Variants in NEDD4L observed in about 807,000 individuals in gnomAD.
The protein encoded by NEDD4L is E3 ubiquitin-protein ligase NEDD4-like.
Under a neutral mutation model 148.9 loss-of-function variants are expected in NEDD4L, and 54 were observed. That is an observed-to-expected ratio of 0.36 (90% confidence interval 0.29 to 0.45). NEDD4L has a LOEUF of 0.45. Among genes scored for constraint, NEDD4L ranks in the 20% least tolerant of loss-of-function variants. NEDD4L has a pLI of 1.00. For missense variants in NEDD4L, 856 were observed against 1,233.8 expected, an observed-to-expected ratio of 0.69 and a Z score of 4.59; for synonymous variants, 433 against 440.7, an observed-to-expected ratio of 0.98 and a Z score of 0.22.
chr18:58,257,002 TTGTC>T (rs1199071462), intron 5 of NEDD4L, among the ~76,000 whole-genome samples: 4 of 152,112 alleles, frequency 2.6e-5, no homozygotes, highest in Non-Finnish European at 5.9e-5. Context: ...TCAAAGAACT[TTGTC>T]TGTTTGGGAA....
chr18:58,223,399 G>A (rs1568420324), intron 2 of NEDD4L, among the ~76,000 whole-genome samples: 1 of 152,188 alleles, frequency 6.6e-6, no homozygotes, highest in African/African-American at 2.4e-5. Context: ...CTTGAGTGTA[G>A]AAGTTTTATT....
chr18:58,173,726 A>G (rs2037775476), intron 2 of NEDD4L, among the ~76,000 whole-genome samples: 1 of 152,224 alleles, frequency 6.6e-6, no homozygotes, highest in Admixed American at 6.5e-5. Context: ...CCTCTAAAAA[A>G]CAAGAACATA....
intron 1 of NEDD4L, among the ~76,000 whole-genome samples, chr18:58,125,060 C>T (rs1000471637): frequency 2.6e-5 from 4 of 152,124 alleles, no homozygotes; most frequent in Admixed American, 1.3e-4. Context: ...TTGCCACCAG[C>T]TAATTTATTA....
intron 5 of NEDD4L, among the ~76,000 whole-genome samples, chr18:58,289,994 T>G (rs574269781): frequency 3.3e-4 from 50 of 152,308 alleles, no homozygotes; most frequent in African/African-American, 9.1e-4. Flanking sequence ...CATGTAGCCA[T>G]GAAAAAATGA....
intron 1 of NEDD4L, among the ~76,000 whole-genome samples, chr18:58,099,376 A>G (rs1313465784): frequency 6.6e-6 from 1 of 152,220 alleles, no homozygotes; most frequent in East Asian, 1.9e-4. Context: ...CTTGCTTATA[A>G]TGGGCATTTG....
intron 1 of NEDD4L, among the ~76,000 whole-genome samples, chr18:58,090,631 C>T (rs1376249454): frequency 1.3e-5 from 2 of 152,208 alleles, no homozygotes; most frequent in Non-Finnish European, 2.9e-5. Context: ...GTGTGCACCA[C>T]CACGCCTGGC....
Position 58,387,503 on chromosome 18 carries a change from G to T in NEDD4L, c.2547+5G>T. ...TTTGATGAAAATGAGCTGGAGGTTTGTATTATAAACATTATTTTATGTAAA... is the reference window on the plus strand; with the variant it reads ...TTTGATGAAAATGAGCTGGAGGTTTTTATTATAAACATTATTTTATGTAAA... On this transcript the variant is annotated splice_donor_5th_base_variant and intron_variant, in intron 27 of 30. Transcript: ENST00000400345. The T allele has an allele frequency of 6.4e-7, 1 of 1,552,546 alleles. No homozygotes were observed. The highest frequency in any genetic ancestry group is 8.7e-7 in the Non-Finnish European group (1 of 1,148,398).
chr18:58,119,251 G>A (rs756872671), intron 1 of NEDD4L, among the ~76,000 whole-genome samples: 2 of 152,112 alleles, frequency 1.3e-5, no homozygotes, highest in Non-Finnish European at 2.9e-5. Context: ...GGAAGCCTGG[G>A]AGGGCTTTGC....
At chr18:58,204,189 G>T (rs542643633) in intron 2 of NEDD4L, among the ~76,000 whole-genome samples, 1 of 152,246 alleles carries the variant, frequency 6.6e-6, no homozygotes, top group Middle Eastern at 3.4e-3. Flanking sequence ...TTACCCAGAC[G>T]TGGTGGTGTG....
At position 58,322,447 on chromosome 18, in the gene NEDD4L, G is replaced by A. The variant is rs749180174; in HGVS notation, c.371G>A (p.Arg124Gln). 9 of 1,432,478 alleles carry A rather than the reference G, an allele frequency of 6.3e-6. No homozygotes were observed. The highest frequency in any genetic ancestry group is 1.4e-5 in the African/African-American group (1 of 68,980). The allele number at this position is 1,432,478 out of a possible 1,614,324, so 88.7% of individuals were successfully genotyped here. A position where few individuals can be genotyped will look rare whatever the true frequency, so the allele number is the denominator to read the frequency against. ...CAGACAGAAGATCCAACCATGGAGC[G>A]ACCCTATACATTTAAGGACTTTCTC... The part of the protein sequence containing the change: ...HLPTEDPTME[R>Q]PYTFKDFLLR... The change falls in exon 7 of 31, where the codon CGA becomes CAA. Residue 124 changes from arginine (R) to glutamine (Q), a missense_variant. By Grantham distance (43) the Arg-to-Gln change is conservative (BLOSUM62 1). This residue lies in a region of NEDD4L where 193 missense variants were observed against 244.2 expected (regional missense o/e 0.79). Transcript: ENST00000400345.
At chr18:58,263,062 A>T (rs1354565987) in intron 5 of NEDD4L, among the ~76,000 whole-genome samples, 1 of 152,202 alleles carries the variant, frequency 6.6e-6, no homozygotes, top group Non-Finnish European at 1.5e-5. Flanking sequence ...AAATCAAATA[A>T]AAGGACGGAT....
At chr18:58,069,512 A>T (rs1343221802) in intron 1 of NEDD4L, among the ~76,000 whole-genome samples, 1 of 152,242 alleles carries the variant, frequency 6.6e-6, no homozygotes, top group Non-Finnish European at 1.5e-5. Flanking sequence ...TTGGCTGGAT[A>T]GAGGGCAGTG....
chr18:58,213,068 C>T (rs1008781419), intron 2 of NEDD4L, among the ~76,000 whole-genome samples: 1 of 152,124 alleles, frequency 6.6e-6, no homozygotes, highest in Non-Finnish European at 1.5e-5. Flanking sequence ...AGAAAAATAA[C>T]ACTTTTTGAT....
chr18:58,219,428 CAG>C (rs899066858), intron 2 of NEDD4L, among the ~76,000 whole-genome samples: 1 of 152,194 alleles, frequency 6.6e-6, no homozygotes, highest in African/African-American at 2.4e-5. Flanking sequence ...CAGAGGGAAA[CAG>C]TGGTGTAATT....
intron 1 of NEDD4L, among the ~76,000 whole-genome samples, chr18:58,146,777 C>T (rs1466598079): frequency 1.3e-5 from 2 of 152,142 alleles, no homozygotes; most frequent in African/African-American, 4.8e-5. Flanking sequence ...CGGTGTGGTC[C>T]CTTGCTCCAC....
intron 6 of NEDD4L, among the ~76,000 whole-genome samples, chr18:58,319,402 A>G (rs1230373978): frequency 6.6e-6 from 1 of 152,102 alleles, no homozygotes; most frequent in Non-Finnish European, 1.5e-5. Context: ...CTCTCCTTCC[A>G]TTTGCCTGCA....
intron 1 of NEDD4L, among the ~76,000 whole-genome samples, chr18:58,058,257 G>GATGGTGCC (rs2082175462): frequency 6.6e-6 from 1 of 152,228 alleles, no homozygotes. Context: ...AGTGAGCCAA[G>GATGGTGCC]ATGGTGCCAC....
intron 5 of NEDD4L, among the ~76,000 whole-genome samples, chr18:58,308,330 TG>T (rs2057297489): frequency 6.6e-6 from 1 of 152,196 alleles, no homozygotes; most frequent in Non-Finnish European, 1.5e-5. Flanking sequence ...CAGTAATACC[TG>T]GGGGGTTTCT....
At chr18:58,328,187 G>A (rs999569876) in intron 9 of NEDD4L, among the ~76,000 whole-genome samples, 1 of 152,020 alleles carries the variant, frequency 6.6e-6, no homozygotes, top group Non-Finnish European at 1.5e-5. Flanking sequence ...TACGTCTTGA[G>A]CTCCTGACCT....
Sources: allele counts gnomAD v4.1 joint callset (sites outside exome capture counted in the v4.1 genomes callset), GRCh38; gene constraint gnomAD v4.1.1; regional missense constraint gnomAD v4.1.1; transcripts MANE v1.5; gene names NCBI Gene and HGNC (gene_info 2026-07-23, HGNC 2026-07-21).